Variants in STK40 observed in about 807,000 individuals in gnomAD.
STK40 encodes serine/threonine-protein kinase 40.
Under a neutral mutation model 47.9 loss-of-function variants are expected in STK40, and 13 were observed. The ratio of observed to expected loss-of-function variants is 0.27; its 90% CI spans 0.18 to 0.43. The LOEUF is 0.43. STK40 is among the 20% of genes least tolerant of loss of function. The pLI, the probability that STK40 is intolerant of heterozygous loss-of-function variation, is 1.00. For synonymous variants in STK40, 225 were observed against 243.2 expected (o/e 0.93, Z 0.69); for missense variants, 460 against 595.1 (o/e 0.77, Z 2.36).
chr1:36,361,868 C>T (rs1435674209), intron 1 of STK40, among the ~76,000 whole-genome samples: 1 of 152,148 alleles, frequency 6.6e-6, no homozygotes, highest in Non-Finnish European at 1.5e-5. Flanking sequence ...GGCCTGGGGG[C>T]TTCTTATGCC....
At chr1:36,369,572 G>C (rs981407010) in intron 1 of STK40, among the ~76,000 whole-genome samples, 1 of 152,156 alleles carries the variant, frequency 6.6e-6, no homozygotes, top group Non-Finnish European at 1.5e-5. Flanking sequence ...TCCCTGGTTG[G>C]CACATCCTTC....
chr1:36,373,139 C>A (rs1168200960), intron 1 of STK40, among the ~76,000 whole-genome samples: 1 of 152,124 alleles, frequency 6.6e-6, no homozygotes, highest in Non-Finnish European at 1.5e-5. Context: ...CCTTCAGGGG[C>A]CTCAGTTTCC....
intron 4 of STK40, among the ~76,000 whole-genome samples, chr1:36,356,495 G>C (rs986902330): frequency 7.1e-6 from 1 of 140,334 alleles, no homozygotes; most frequent in Non-Finnish European, 1.5e-5. Context: ...TCACGCTCTC[G>C]GCTCACTGCA....
chr1:36,346,502 G>A (rs1395723361), intron 7 of STK40, among the ~76,000 whole-genome samples: 3 of 152,216 alleles, frequency 2.0e-5, no homozygotes, highest in Non-Finnish European at 4.4e-5. Flanking sequence ...ATAAATGAAA[G>A]GGCAGACCTG....
At chr1:36,376,192 C>T (rs1280829885) in intron 1 of STK40, among the ~76,000 whole-genome samples, 1 of 152,130 alleles carries the variant, frequency 6.6e-6, no homozygotes, top group Non-Finnish European at 1.5e-5. Context: ...TTGGCTTCAC[C>T]TGCTCTGAAT....
intron 6 of STK40, among the ~76,000 whole-genome samples, chr1:36,352,843 C>T (rs1275037755): frequency 1.3e-5 from 2 of 152,258 alleles, no homozygotes; most frequent in East Asian, 3.9e-4. Context: ...GTGGGAACCA[C>T]TGAGCGTTTC....
intron 1 of STK40, among the ~76,000 whole-genome samples, chr1:36,383,563 C>T (rs1647059035): frequency 6.6e-6 from 1 of 152,258 alleles, no homozygotes; most frequent in Non-Finnish European, 1.5e-5. Context: ...AAGAGTTCTC[C>T]AGCCCTTCAG....
intron 1 of STK40, among the ~76,000 whole-genome samples, chr1:36,371,276 C>T (rs201484391): frequency 2.7e-5 from 4 of 150,780 alleles, no homozygotes; most frequent in East Asian, 2.0e-4. Context: ...CAAGAAGGGC[C>T]GGGCGTGGTG....
chr1:36,381,237 G>C (rs2124754723), intron 1 of STK40, among the ~76,000 whole-genome samples: 1 of 152,288 alleles, frequency 6.6e-6, no homozygotes, highest in African/African-American at 2.4e-5. Context: ...CTAATGGTAT[G>C]TTTCCTCCAC....
chr1:36,350,244 T>C (rs1262755433), intron 6 of STK40, among the ~76,000 whole-genome samples: 2 of 152,166 alleles, frequency 1.3e-5, no homozygotes, highest in Admixed American at 6.5e-5. Flanking sequence ...AAAGGGTCAC[T>C]TGCACGTCAA....
chr1:36,355,801 A>G (rs11804595), intron 4 of STK40, among the ~76,000 whole-genome samples: 14,795 of 152,296 alleles, frequency 0.097, 864 homozygotes, highest in Middle Eastern at 0.27. Context: ...CCCAGATTCC[A>G]GTAATCACCA....
At chr1:36,348,616 C>T (rs1646724592) in intron 7 of STK40, 84 bp downstream of exon 7, 1 of 1,314,170 alleles carries the variant, frequency 7.6e-7, no homozygotes, top group Admixed American at 2.0e-5. Flanking sequence ...TTGCCCAGGG[C>T]CTGCCCACAA....
chr1:36,358,436 C>A, intron 3 of STK40, 54 bp from the exon 4 acceptor site: 3 of 1,550,602 alleles, frequency 1.9e-6, no homozygotes, highest in Non-Finnish European at 2.6e-6. Flanking sequence ...CTTTACACAG[C>A]AGAACAACCA....
chr1:36,358,478 T>G, intron 3 of STK40, 96 bp from the exon 4 acceptor site: 1 of 1,483,922 alleles, frequency 6.7e-7, no homozygotes, highest in South Asian at 1.3e-5. Flanking sequence ...TTTTACCACA[T>G]GACATTTGTG....
chr1:36,367,912 G>A, intron 1 of STK40: 3 of 985,262 alleles, frequency 3.0e-6, no homozygotes, highest in African/African-American at 1.7e-5. Context: ...GAATGGGTCT[G>A]TGGTCATGCT....
chr1:36,343,650 C>T (rs1646673970), intron 9 of STK40, among the ~76,000 whole-genome samples: 1 of 152,214 alleles, frequency 6.6e-6, no homozygotes, highest in Non-Finnish European at 1.5e-5. Flanking sequence ...TGCCCATGCC[C>T]CGCTGGCAGG....
chr1:36,342,309 C>A (rs1032036658), intron 10 of STK40: 16 of 343,472 alleles, frequency 4.7e-5, no homozygotes, highest in Non-Finnish European at 8.4e-5. Context: ...CCTGAGGCGG[C>A]TAATGCACGT....
chr1:36,342,816 G>T (rs1225247615), intron 10 of STK40: 4 of 245,832 alleles, frequency 1.6e-5, no homozygotes, highest in Non-Finnish European at 3.2e-5. Context: ...AGGTGGGCCA[G>T]GGAGGGAAGG....
intron 4 of STK40, among the ~76,000 whole-genome samples, chr1:36,356,448 C>G (rs866567736): frequency 1.8e-5 from 2 of 113,500 alleles, no homozygotes; most frequent in African/African-American, 3.4e-5. Context: ...TTTTGTGAGA[C>G]GGAGTCTCAC....
Sources: allele counts gnomAD v4.1 joint callset (sites outside exome capture counted in the v4.1 genomes callset), GRCh38; gene constraint gnomAD v4.1.1; transcripts MANE v1.5; gene names NCBI Gene and HGNC (gene_info 2026-07-23, HGNC 2026-07-21).